GPLD1: variants seen among roughly 807,000 people sequenced by gnomAD.
GPLD1 encodes the protein glycosylphosphatidylinositol specific phospholipase D1.
Under a neutral mutation model 112.6 loss-of-function variants are expected in GPLD1, and 84 were observed. The observed-to-expected ratio is 0.75, with a 90% CI of 0.63 to 0.89. GPLD1 has a LOEUF of 0.89. GPLD1 is among the 40% of genes least tolerant of loss of function. The pLI is 0.00. For synonymous variants in GPLD1, 386 were observed against 403.8 expected, an observed-to-expected ratio of 0.96 and a Z score of 0.53; for missense variants, 1,044 against 1,051.5, an observed-to-expected ratio of 0.99 and a Z score of 0.10.
At chr6:24,459,549 G>A (rs937225305) in intron 12 of GPLD1, among the ~76,000 whole-genome samples, 9 of 152,012 alleles carry the variant, frequency 5.9e-5, no homozygotes, top group African/African-American at 9.7e-5. Context: ...GAGCCACCAC[G>A]CCCATTCTCC....
At chr6:24,450,921 G>C (rs992766162) in intron 14 of GPLD1, among the ~76,000 whole-genome samples, 1 of 151,216 alleles carries the variant, frequency 6.6e-6, no homozygotes, top group Admixed American at 6.6e-5. Context: ...GCAGTGAGCC[G>C]AGATCATGCC....
At chr6:24,431,977 T>C (rs949351832) in intron 24 of GPLD1, among the ~76,000 whole-genome samples, 2 of 152,116 alleles carry the variant, frequency 1.3e-5, no homozygotes, top group Non-Finnish European at 2.9e-5. Flanking sequence ...ATGCTCACTA[T>C]GGCCTTGTCT....
intron 24 of GPLD1, among the ~76,000 whole-genome samples, chr6:24,431,628 A>C (rs1762407597): frequency 6.6e-6 from 1 of 150,410 alleles, no homozygotes; most frequent in African/African-American, 2.5e-5. Flanking sequence ...TCCACCTCCC[A>C]GGTTCAAGCG....
rs71002496 is a variant in GPLD1, at chr6:24,442,422, A to ATTTTT, written c.2020+3119_2020+3123dup. Among the ~76,000 whole-genome samples, 36 of 60,636 alleles carry ATTTTT rather than the reference A, an allele frequency of 5.9e-4. 1 individual carries two copies. Among genetic ancestry groups the ATTTTT allele is most frequent in the East Asian group, 2.3e-3 (4 of 1,744 alleles). 39.8% of individuals were successfully genotyped at this position (60,636 alleles called of 152,430 possible). ...AGGTGCATGCCACCACATCTGGCTAATTTTTTTTTTTTTTTTTTTTTTTTT... is the reference window on the plus strand; with the variant it reads ...AGGTGCATGCCACCACATCTGGCTAATTTTTTTTTTTTTTTTTTTTTTTTTTTTTT... On this transcript the variant is annotated intron_variant, in intron 20 of 24. Transcript: ENST00000230036.
chr6:24,469,231 G>A (rs1413986041), intron 7 of GPLD1, among the ~76,000 whole-genome samples: 1 of 148,784 alleles, frequency 6.7e-6, no homozygotes, highest in Non-Finnish European at 1.5e-5. Flanking sequence ...GATTCCTCAG[G>A]GATCTAGAAC....
At chr6:24,488,796 C>T (rs1344372869) in intron 1 of GPLD1, among the ~76,000 whole-genome samples, 2 of 152,050 alleles carry the variant, frequency 1.3e-5, no homozygotes, top group African/African-American at 4.8e-5. Flanking sequence ...GTGCCATCTC[C>T]CTATATCCAG....
At chr6:24,431,064 C>T (rs540682328) in intron 24 of GPLD1, among the ~76,000 whole-genome samples, 1 of 152,278 alleles carries the variant, frequency 6.6e-6, no homozygotes, top group East Asian at 1.9e-4. Context: ...CCAAGCTTGT[C>T]ATATAAAGGA....
At chr6:24,445,920 C>T (rs1406193706) in intron 18 of GPLD1, 89 bp from the exon 19 acceptor site, 7 of 900,970 alleles carry the variant, frequency 7.8e-6, no homozygotes, top group Non-Finnish European at 1.3e-5. Flanking sequence ...AATGCACCTC[C>T]CCCCATCCAG....
chr6:24,485,648 A>G (rs1324983830), intron 2 of GPLD1, among the ~76,000 whole-genome samples: 1 of 151,838 alleles, frequency 6.6e-6, no homozygotes, highest in East Asian at 1.9e-4. Context: ...ACAACATTAT[A>G]ACATAAAGAA....
chr6:24,458,354 C>T (rs1304153833), intron 12 of GPLD1, among the ~76,000 whole-genome samples: 5 of 152,160 alleles, frequency 3.3e-5, no homozygotes, highest in African/African-American at 1.2e-4. Context: ...CTCTGACTTG[C>T]TCATTCATCC....
At chr6:24,439,976 G>A (rs904434719) in intron 20 of GPLD1, among the ~76,000 whole-genome samples, 17 of 151,854 alleles carry the variant, frequency 1.1e-4, no homozygotes, top group African/African-American at 3.9e-4. Flanking sequence ...ATGCAGGGGT[G>A]GTGGGTATTT....
intron 7 of GPLD1, 51 bp downstream of exon 7, chr6:24,472,531 G>A (rs749994137): frequency 4.0e-6 from 4 of 1,001,480 alleles, no homozygotes; most frequent in East Asian, 4.8e-5. Context: ...AAAAAGTCAA[G>A]GCTCTAAATG....
chr6:24,466,737 G>A lies in GPLD1; in HGVS notation c.764C>T (p.Ala255Val). The A allele has an allele frequency of 6.2e-7, 1 of 1,610,808 alleles. No homozygotes were observed. Among genetic ancestry groups the A allele is most frequent in the Non-Finnish European group, 8.5e-7 (1 of 1,177,014 alleles). The change falls in exon 10 of 25, where the codon GCA (alanine) becomes GTA (valine). Residue 255 changes from alanine (A) to valine (V), a missense_variant. Physicochemically the swap from Ala to Val is moderately conservative, Grantham distance 64. Transcript: ENST00000230036. ...ATGGTAAATATTAGTGGACCAAAAT[G>A]CCATATCATCCAGTCCTCCAAGAAA... The part of the protein sequence containing the change: ...EYFLGGLDDM[A>V]FWSTNIYHLT...
intron 1 of GPLD1, among the ~76,000 whole-genome samples, chr6:24,487,255 C>G (rs938963872): frequency 3.6e-5 from 4 of 112,198 alleles, no homozygotes; most frequent in African/African-American, 1.5e-4. Context: ...TGCTGACCTT[C>G]CACTCAGGCC....
chr6:24,467,042 C>T, intron 8 of GPLD1, 103 bp from the exon 9 acceptor site: 1 of 1,133,506 alleles, frequency 8.8e-7, no homozygotes, highest in East Asian at 2.4e-5. Flanking sequence ...CACCGTCATG[C>T]AACTGCCTTT....
intron 20 of GPLD1, among the ~76,000 whole-genome samples, chr6:24,444,451 A>G (rs996479746): frequency 6.6e-6 from 1 of 151,986 alleles, no homozygotes; most frequent in African/African-American, 2.4e-5. Flanking sequence ...AGTTTCCACA[A>G]TAAGCATAAT....
intron 1 of GPLD1, among the ~76,000 whole-genome samples, chr6:24,489,116 G>A (rs377536872): frequency 2.6e-5 from 4 of 152,074 alleles, no homozygotes; most frequent in African/African-American, 7.2e-5. Flanking sequence ...CTGCTGCCAC[G>A]TTGCAACCTC....
In GPLD1 at chr6:24,427,468, T is replaced by TGG. The variant is rs538229765; in HGVS notation, c.*1562_*1563dup. Among the ~76,000 whole-genome samples the TGG allele has an allele frequency of 7.3e-4, 111 of 152,294 alleles. No individual in the cohort carries two copies. Among genetic ancestry groups the TGG allele is most frequent in the African/African-American group, 2.6e-3 (107 of 41,564 alleles). On this transcript the variant is annotated 3_prime_UTR_variant, in exon 25 of 25. Transcript: ENST00000230036. ...AGAACAGCCAACTCTACAAAAGTAT[T>TGG]GGAGGGCACAGAAGGGTGATAGTCT...
intron 7 of GPLD1, among the ~76,000 whole-genome samples, chr6:24,467,586 G>A (rs1052187552): frequency 3.3e-5 from 5 of 152,022 alleles, no homozygotes; most frequent in Admixed American, 6.6e-5. Context: ...TAACTATAAC[G>A]TACAAAAAGA....
Sources: allele counts gnomAD v4.1 joint callset (sites outside exome capture counted in the v4.1 genomes callset), GRCh38; gene constraint gnomAD v4.1.1; transcripts MANE v1.5; gene names NCBI Gene and HGNC (gene_info 2026-07-23, HGNC 2026-07-21).